The following GAREM1 variants were observed in gnomAD, a reference collection of about 807,000 sequenced individuals.
GAREM1 encodes the protein GRB2-associated and regulator of MAPK protein 1.
In GAREM1, 26 loss-of-function variants were observed where a neutral mutation model predicts 71.3. The observed-to-expected ratio is 0.36, with a 90% confidence interval of 0.27 to 0.51. The LOEUF is 0.51. Among genes scored for constraint, GAREM1 ranks in the 20% least tolerant of loss-of-function variants. The pLI, the probability that GAREM1 is intolerant of heterozygous loss-of-function variation, is 0.95. For synonymous variants in GAREM1, 440 were observed against 433.2 expected, an observed-to-expected ratio of 1.02 and a Z score of -0.20; for missense variants, 1,026 against 1,103.1, an observed-to-expected ratio of 0.93 and a Z score of 0.99.
intron 1 of GAREM1, among the ~76,000 whole-genome samples, chr18:32,400,412 A>G (rs1199805572): frequency 6.6e-6 from 1 of 152,174 alleles, no homozygotes; most frequent in African/African-American, 2.4e-5. Context: ...GAAAATTCTT[A>G]CAATCTACTC....
rs542141021 is a variant in GAREM1, at chr18:32,336,146, G to C, written c.263-25823C>G. On this transcript the variant is annotated intron_variant, in intron 2 of 5. Coordinates refer to ENST00000269209, the MANE Select transcript of GAREM1 (RefSeq NM_001242409.2). ...GCCGGGATGTTATAAAAACCATACA[G>C]TAGGCCGGGCACGGTGGCTCACACC... Among the ~76,000 whole-genome samples the C allele has an allele frequency of 3.9e-5, 6 of 152,230 alleles. No homozygotes were observed. In the East Asian group the frequency reaches 7.7e-4, roughly 20 times the overall value.
intron 1 of GAREM1, among the ~76,000 whole-genome samples, chr18:32,440,436 T>C (rs1006461395): frequency 5.3e-5 from 8 of 152,200 alleles, no homozygotes; most frequent in African/African-American, 1.9e-4. Context: ...ATTAGTATAC[T>C]GTCTGTACTC....
At chr18:32,469,678 T>G (rs2144326828) in intron 1 of GAREM1, among the ~76,000 whole-genome samples, 1 of 152,218 alleles carries the variant, frequency 6.6e-6, no homozygotes, top group East Asian at 1.9e-4. Flanking sequence ...GGAGACTTAT[T>G]TTTTTTTCCA....
intron 3 of GAREM1, 30 bp from the exon 4 acceptor site, chr18:32,288,233 C>G: frequency 6.5e-7 from 1 of 1,528,098 alleles, no homozygotes; most frequent in Non-Finnish European, 8.8e-7. Context: ...ATTTTACGTT[C>G]ATTTCCTTTG....
At chr18:32,283,600 A>G (rs2046977292) in intron 4 of GAREM1, among the ~76,000 whole-genome samples, 1 of 152,196 alleles carries the variant, frequency 6.6e-6, no homozygotes, top group African/African-American at 2.4e-5. Flanking sequence ...CTTTACAAAG[A>G]GATAAGAGGA....
rs147152278 is a variant in GAREM1, at chr18:32,362,623, C to A, written c.262+30272G>T. ...ATGGTTTAACCAAATGATGACTAAGCTGGTGTTTACTGGGATAAAACCCCT... is the reference window on the plus strand; with the variant it reads ...ATGGTTTAACCAAATGATGACTAAGATGGTGTTTACTGGGATAAAACCCCT... On this transcript the variant is annotated intron_variant, in intron 2 of 5. Coordinates refer to ENST00000269209, the MANE Select transcript of GAREM1 (RefSeq NM_001242409.2). 2.3e-3 allele frequency among the ~76,000 whole-genome samples: 346 copies of A among 152,270 alleles called. 2 individuals carry two copies. Among genetic ancestry groups the A allele is most frequent in the Admixed American group, 4.1e-3 (63 of 15,286 alleles).
At chr18:32,268,963 A>G (rs534117529) in intron 5 of GAREM1, among the ~76,000 whole-genome samples, 195 bp from the exon 6 acceptor site, 6 of 152,308 alleles carry the variant, frequency 3.9e-5, no homozygotes, top group African/African-American at 1.2e-4. Flanking sequence ...AGATATGTAC[A>G]TAATGATTTA....
At chr18:32,440,145 C>A (rs2048720393) in intron 1 of GAREM1, among the ~76,000 whole-genome samples, 1 of 152,142 alleles carries the variant, frequency 6.6e-6, no homozygotes, top group Non-Finnish European at 1.5e-5. Flanking sequence ...TAGCACTTAC[C>A]AGTACATCAA....
At chr18:32,271,556 T>C (rs2144418934) in intron 4 of GAREM1, among the ~76,000 whole-genome samples, 2 of 152,328 alleles carry the variant, frequency 1.3e-5, no homozygotes, top group Middle Eastern at 3.4e-3. Context: ...TTTGATTCTG[T>C]TGACCCAGGG....
chr18:32,467,153 GT>G (rs971064847), intron 1 of GAREM1, among the ~76,000 whole-genome samples: 2 of 151,982 alleles, frequency 1.3e-5, no homozygotes, highest in South Asian at 2.1e-4. Flanking sequence ...AAACCCCAAT[GT>G]TTTTTTTCTC....
At chr18:32,304,492 G>A (rs1415586174) in intron 3 of GAREM1, among the ~76,000 whole-genome samples, 2 of 152,088 alleles carry the variant, frequency 1.3e-5, no homozygotes, top group Non-Finnish European at 2.9e-5. Flanking sequence ...GGCTCTATGG[G>A]CTATATAGTT....
At chr18:32,323,220 G>A (rs988199400) in intron 2 of GAREM1, among the ~76,000 whole-genome samples, 3 of 152,100 alleles carry the variant, frequency 2.0e-5, no homozygotes, top group Non-Finnish European at 4.4e-5. Context: ...AAAGAGAGTC[G>A]GGCATAGGTG....
Position 32,463,603 on chromosome 18 carries a change from T to G in GAREM1, c.121+6705A>C, listed in dbSNP as rs146937856. 1.5e-3 allele frequency among the ~76,000 whole-genome samples: 230 copies of G among 148,438 alleles called. 2 individuals carry two copies. Among genetic ancestry groups the G allele is most frequent in the African/African-American group, 5.2e-3 (212 of 40,424 alleles). ...TTTTTTTTTTGAGACGGAGTCTTGCTCTGTCGCCCAGGCCGGGGTGCAGTG... is the reference window on the plus strand; with the variant it reads ...TTTTTTTTTTGAGACGGAGTCTTGCGCTGTCGCCCAGGCCGGGGTGCAGTG... On this transcript the variant is annotated intron_variant, in intron 1 of 5. Transcript: ENST00000269209.
At chr18:32,285,418 C>T (rs1205239495) in intron 4 of GAREM1, among the ~76,000 whole-genome samples, 1 of 152,222 alleles carries the variant, frequency 6.6e-6, no homozygotes, top group African/African-American at 2.4e-5. Flanking sequence ...TCAGCCACCA[C>T]TGCCCTTCCT....
intron 1 of GAREM1, among the ~76,000 whole-genome samples, chr18:32,407,311 T>G (rs544448199): frequency 6.6e-6 from 1 of 152,312 alleles, no homozygotes; most frequent in South Asian, 2.1e-4. Context: ...CAATGGTCCC[T>G]GTGTATGAAA....
chr18:32,402,289 T>C (rs1444440499), intron 1 of GAREM1, among the ~76,000 whole-genome samples: 1 of 152,164 alleles, frequency 6.6e-6, no homozygotes, highest in Non-Finnish European at 1.5e-5. Context: ...GCTTCTGGGA[T>C]ATGCTTGGAT....
chr18:32,462,076 TACAG>T (rs1193780455), intron 1 of GAREM1, among the ~76,000 whole-genome samples: 2 of 152,262 alleles, frequency 1.3e-5, no homozygotes, highest in Non-Finnish European at 2.9e-5. Flanking sequence ...TTAAGATTTT[TACAG>T]ACAATGTGGA....
At chr18:32,278,155 G>T (rs1386677506) in intron 4 of GAREM1, among the ~76,000 whole-genome samples, 2 of 152,254 alleles carry the variant, frequency 1.3e-5, no homozygotes, top group East Asian at 3.9e-4. Flanking sequence ...GTTAACTAAG[G>T]CATGGTCTTA....
At chr18:32,455,644 GAC>G (rs2048880298) in intron 1 of GAREM1, among the ~76,000 whole-genome samples, 1 of 152,132 alleles carries the variant, frequency 6.6e-6, no homozygotes, top group Non-Finnish European at 1.5e-5. Context: ...TCACTTCAGA[GAC>G]TCACCAGGGT....
Sources: gnomAD v4.1 joint callset for allele counts (sites outside exome capture counted in the v4.1 genomes callset) on GRCh38, gnomAD v4.1.1 for gene constraint, MANE v1.5 for transcripts, NCBI Gene and HGNC (gene_info 2026-07-23, HGNC 2026-07-21) for gene names.